GCA: variants seen among roughly 807,000 people sequenced by gnomAD.
The protein encoded by GCA is grancalcin, EF-hand calcium-binding protein.
A neutral mutation model predicts 32.6 loss-of-function variants in GCA; 30 were observed. That is an observed-to-expected ratio of 0.92 (90% CI 0.69 to 1.25). The LOEUF (loss-of-function observed/expected upper bound fraction) is 1.25. GCA is among the 50% of genes most tolerant of loss of function. The probability of loss-of-function intolerance (pLI) is 0.00; values close to 1 mark genes in which losing one functional copy is unlikely to be tolerated. For synonymous variants in GCA, 102 were observed against 84.6 expected, an observed-to-expected ratio of 1.21 and a Z score of -1.13; for missense variants, 291 against 266.8, an observed-to-expected ratio of 1.09 and a Z score of -0.63.
chr2:162,321,223 T>G (rs1339219830), intron 1 of GCA, among the ~76,000 whole-genome samples: 1 of 152,228 alleles, frequency 6.6e-6, no homozygotes, highest in South Asian at 2.1e-4. Context: ...TAATTAATTG[T>G]TTTCCTCTGT....
At chr2:162,334,721 T>C (rs1455547064) in intron 1 of GCA, among the ~76,000 whole-genome samples, 1 of 152,190 alleles carries the variant, frequency 6.6e-6, no homozygotes, top group Non-Finnish European at 1.5e-5. Context: ...AGGCAACATG[T>C]CTTCATTATT....
intron 5 of GCA, among the ~76,000 whole-genome samples, chr2:162,357,310 A>G (rs1685330517): frequency 6.6e-6 from 1 of 151,686 alleles, no homozygotes; most frequent in Non-Finnish European, 1.5e-5. Flanking sequence ...TTTTTCTTAG[A>G]TAGTGCAGAA....
rs1412330487 is a variant in GCA at position 162,359,358 on chromosome 2, T to C, written c.569-136T>C. On this transcript the variant is annotated intron_variant, in intron 6 of 7. Transcript: ENST00000437150. Reference sequence around the variant, plus strand: ...GTTATTTTTGGAAGTTTTTCTCATATCTCTGTTGCCAGGGCTATTCAATCA... The same window carrying C: ...GTTATTTTTGGAAGTTTTTCTCATACCTCTGTTGCCAGGGCTATTCAATCA... The C allele has an allele frequency of 5.1e-6, 3 of 591,226 alleles. No individual in the cohort carries two copies. In the African/African-American group the frequency reaches 5.8e-5, roughly 11 times the overall value. The allele number at this position is 591,226 out of a possible 1,614,324, so 36.6% of individuals were successfully genotyped here. A position where few individuals can be genotyped will look rare whatever the true frequency, so the allele number is the denominator to read the frequency against.
intron 1 of GCA, among the ~76,000 whole-genome samples, chr2:162,324,661 C>T (rs982828827): frequency 6.6e-6 from 1 of 152,204 alleles, no homozygotes; most frequent in Non-Finnish European, 1.5e-5. Flanking sequence ...TGCCTGTCCT[C>T]ACCTAGGTCT....
chr2:162,350,607 A>C (rs965109158), intron 2 of GCA, among the ~76,000 whole-genome samples: 6 of 152,202 alleles, frequency 3.9e-5, no homozygotes, highest in African/African-American at 1.2e-4. Context: ...TCATCATATA[A>C]AATTACAACT....
chr2:162,332,559 G>C (rs6753059), intron 1 of GCA, among the ~76,000 whole-genome samples: 4 of 151,738 alleles, frequency 2.6e-5, no homozygotes, highest in Admixed American at 1.3e-4. Flanking sequence ...GAATTACTTC[G>C]AAGGATTTTT....
At chr2:162,331,550 T>C (rs1311539593) in intron 1 of GCA, among the ~76,000 whole-genome samples, 1 of 152,066 alleles carries the variant, frequency 6.6e-6, no homozygotes, top group African/African-American at 2.4e-5. Flanking sequence ...CTTTTAAAAG[T>C]GAGTGAGTTG....
chr2:162,323,941 T>G (rs1166835841), intron 1 of GCA, among the ~76,000 whole-genome samples: 1 of 152,106 alleles, frequency 6.6e-6, no homozygotes, highest in African/African-American at 2.4e-5. Flanking sequence ...TCCAATTCTG[T>G]GAAGAAAGTC....
At chr2:162,359,841 T>A (rs904127867) in intron 7 of GCA, among the ~76,000 whole-genome samples, 17 of 151,332 alleles carry the variant, frequency 1.1e-4, no homozygotes, top group African/African-American at 4.1e-4. Context: ...CCACCATTAT[T>A]TTTAAAAAGG....
chr2:162,320,235 C>A (rs1000938444), intron 1 of GCA, among the ~76,000 whole-genome samples: 10 of 152,186 alleles, frequency 6.6e-5, no homozygotes, highest in Non-Finnish European at 1.0e-4. Flanking sequence ...CTTCACAGAA[C>A]CCTACTCCTT....
chr2:162,356,402 G>T, intron 3 of GCA, 36 bp from the exon 4 acceptor site: 1 of 1,220,272 alleles, frequency 8.2e-7, no homozygotes. Context: ...ATAAAGTTGG[G>T]CATACTCTAA....
At chr2:162,374,517 AT>A (rs1686090888), downstream of GCA, among the ~76,000 whole-genome samples, 1 of 152,190 alleles carries the variant, frequency 6.6e-6, no homozygotes, top group Non-Finnish European at 1.5e-5. Flanking sequence ...TCTTTAGAAA[AT>A]TCTTCTAACT....
chr2:162,330,263 A>G (rs1684028938), intron 1 of GCA, among the ~76,000 whole-genome samples: 1 of 152,190 alleles, frequency 6.6e-6, no homozygotes, highest in Non-Finnish European at 1.5e-5. Context: ...GTCTTCCACA[A>G]TAGCTGAACT....
chr2:162,373,613 G>A, downstream of GCA: 1 of 1,565,904 alleles, frequency 6.4e-7, no homozygotes, highest in Non-Finnish European at 8.7e-7. Context: ...GTTTGTTTCT[G>A]CAGCAACTGT....
At position 162,361,028 on chromosome 2, in the gene GCA, T is replaced by C; in HGVS notation, c.*785T>C. On this transcript the variant is annotated 3_prime_UTR_variant, in exon 8 of 8. Transcript: ENST00000437150. ...GAAATGGCATATGTTTTTGATGATA[T>C]GTCAACATTCAAAATTGTCCTAATT... 9.9e-7 allele frequency: 1 copy of C among 1,008,386 alleles called. No homozygotes were observed. Among genetic ancestry groups the C allele is most frequent in the Non-Finnish European group, 1.2e-6 (1 of 830,214 alleles). The allele number at this position is 1,008,386 out of a possible 1,614,324, so 62.5% of individuals were successfully genotyped here.
chr2:162,360,726 T>C lies in GCA; in HGVS notation c.*483T>C, dbSNP rs1685534800. On this transcript the variant is annotated 3_prime_UTR_variant, in exon 8 of 8. Coordinates refer to ENST00000437150, the MANE Select transcript of GCA (RefSeq NM_012198.5). ...TGTGCCATGTTTGTAATATAGTTTG[T>C]TCCTTGATCAAATAATCAGAGAAAA... The C allele has an allele frequency of 1.4e-6, 2 of 1,396,916 alleles. No homozygotes were observed. Among genetic ancestry groups the C allele is most frequent in the Non-Finnish European group, 1.9e-6 (2 of 1,078,136 alleles). The allele number at this position is 1,396,916 out of a possible 1,614,324, so 86.5% of individuals were successfully genotyped here.
At chr2:162,330,294 G>A (rs1201622159) in intron 1 of GCA, among the ~76,000 whole-genome samples, 3 of 152,186 alleles carry the variant, frequency 2.0e-5, no homozygotes, top group Non-Finnish European at 4.4e-5. Context: ...CCCACCAACA[G>A]TATGTAAGCA....
intron 1 of GCA, among the ~76,000 whole-genome samples, chr2:162,320,724 A>C (rs1414031109): frequency 2.6e-5 from 4 of 152,240 alleles, no homozygotes; most frequent in Non-Finnish European, 5.9e-5. Context: ...TATCTATTAC[A>C]TGACCAGCAC....
intron 1 of GCA, among the ~76,000 whole-genome samples, chr2:162,328,984 G>A (rs986014725): frequency 7.9e-5 from 12 of 152,258 alleles, no homozygotes; most frequent in Non-Finnish European, 1.5e-5. Context: ...TCAGTGGCCT[G>A]GCAGCATTCT....
Sources: allele counts gnomAD v4.1 joint callset (sites outside exome capture counted in the v4.1 genomes callset), GRCh38; gene constraint gnomAD v4.1.1; transcripts MANE v1.5; gene names NCBI Gene and HGNC (gene_info 2026-07-23, HGNC 2026-07-21).